Variants in C1orf21 observed in about 807,000 individuals in gnomAD.
C1orf21 encodes chromosome 1 open reading frame 21.
A neutral mutation model predicts 18.7 loss-of-function variants in C1orf21; 3 were observed. The ratio of observed to expected loss-of-function variants is 0.16; its 90% confidence interval spans 0.07 to 0.42. The LOEUF (loss-of-function observed/expected upper bound fraction) is 0.42. Ranked by LOEUF, C1orf21 falls within the 10% of genes least tolerant of loss-of-function variation. The pLI is 0.99. For missense variants in C1orf21, 104 were observed against 143.6 expected, an observed-to-expected ratio of 0.72 and a Z score of 1.41; for synonymous variants, 41 against 46.4, an observed-to-expected ratio of 0.88 and a Z score of 0.47.
intron 3 of C1orf21, among the ~76,000 whole-genome samples, chr1:184,559,997 C>A (rs955185795): frequency 3.3e-5 from 5 of 152,106 alleles, no homozygotes; most frequent in African/African-American, 9.7e-5. Context: ...AGCAGTCATC[C>A]CGCCTTGACC....
chr1:184,463,030 C>T (rs776766261), intron 1 of C1orf21, among the ~76,000 whole-genome samples: 13 of 145,160 alleles, frequency 9.0e-5, no homozygotes, highest in East Asian at 6.0e-4. Flanking sequence ...TGCAGTGAGC[C>T]GAGATCATGC....
intron 3 of C1orf21, among the ~76,000 whole-genome samples, chr1:184,559,502 C>CCTT (rs1658924254): frequency 9.0e-6 from 1 of 110,566 alleles, no homozygotes; most frequent in Admixed American, 8.6e-5. Flanking sequence ...TTCCTTCCTT[C>CCTT]CCCCCTTCCT....
At chr1:184,474,401 TA>T (rs933020891) in intron 1 of C1orf21, among the ~76,000 whole-genome samples, 14 of 152,070 alleles carry the variant, frequency 9.2e-5, no homozygotes, top group Middle Eastern at 3.4e-3. Flanking sequence ...AGACATCCTT[TA>T]AAAAAAAGAG....
intron 1 of C1orf21, among the ~76,000 whole-genome samples, chr1:184,451,921 T>G (rs1189534859): frequency 6.6e-6 from 1 of 152,228 alleles, no homozygotes; most frequent in Non-Finnish European, 1.5e-5. Context: ...TAAATAATTT[T>G]GTTTTTAAAA....
At chr1:184,454,342 G>C (rs1657164188) in intron 1 of C1orf21, among the ~76,000 whole-genome samples, 1 of 152,164 alleles carries the variant, frequency 6.6e-6, no homozygotes, top group South Asian at 2.1e-4. Context: ...AAATGACTGA[G>C]GTGAGTCTTA....
intron 5 of C1orf21, among the ~76,000 whole-genome samples, chr1:184,607,731 A>G (rs1242245488): frequency 6.6e-6 from 1 of 151,086 alleles, no homozygotes; most frequent in African/African-American, 2.4e-5. Flanking sequence ...GTATATATAT[A>G]CATATATATG....
Position 184,625,328 on chromosome 1 carries a change from G to C in C1orf21, c.*5772G>C, listed in dbSNP as rs1250525591. On this transcript the variant is annotated 3_prime_UTR_variant, in exon 6 of 6. Transcript: ENST00000235307. Reference sequence around the variant, plus strand: ...TCTTGGCATTGACTCTAAAGGGAGAGAATAGCCCCTGTGTCCTGGCATTTC... The same window carrying C: ...TCTTGGCATTGACTCTAAAGGGAGACAATAGCCCCTGTGTCCTGGCATTTC... 2 of 152,574 alleles carry C rather than the reference G, an allele frequency of 1.3e-5. No individual in the cohort carries two copies. The highest frequency in any genetic ancestry group is 1.3e-4 in the Admixed American group (2 of 15,278). 9.5% of individuals were successfully genotyped at this position (152,574 alleles called of 1,614,324 possible).
chr1:184,449,939 G>A (rs530986190), intron 1 of C1orf21, among the ~76,000 whole-genome samples: 8 of 152,294 alleles, frequency 5.3e-5, no homozygotes, highest in African/African-American at 9.6e-5. Flanking sequence ...AGGAAGGCTC[G>A]CATTGGATGT....
intron 3 of C1orf21, among the ~76,000 whole-genome samples, chr1:184,538,651 G>A (rs1316471782): frequency 6.6e-6 from 1 of 152,122 alleles, no homozygotes; most frequent in Admixed American, 6.5e-5. Context: ...TTAAGTAAGA[G>A]TAATGTCATT....
At chr1:184,534,802 G>A (rs955047748) in intron 3 of C1orf21, among the ~76,000 whole-genome samples, 6 of 152,108 alleles carry the variant, frequency 3.9e-5, no homozygotes, top group South Asian at 4.2e-4. Context: ...GAAAGTCTAG[G>A]AAATGGTCAC....
At chr1:184,534,539 A>T (rs1357659022) in intron 3 of C1orf21, among the ~76,000 whole-genome samples, 1 of 151,962 alleles carries the variant, frequency 6.6e-6, no homozygotes, top group Non-Finnish European at 1.5e-5. Flanking sequence ...ACAAATTGTG[A>T]TTTCTTTTAC....
At chr1:184,439,016 G>C (rs1317224603) in intron 1 of C1orf21, among the ~76,000 whole-genome samples, 1 of 152,086 alleles carries the variant, frequency 6.6e-6, no homozygotes, top group Non-Finnish European at 1.5e-5. Context: ...TTCGAGACCA[G>C]CCTGGCCAAC....
intron 1 of C1orf21, among the ~76,000 whole-genome samples, chr1:184,447,578 G>A (rs1420017927): frequency 1.3e-5 from 2 of 152,152 alleles, no homozygotes; most frequent in East Asian, 3.8e-4. Context: ...CATGTCAAAT[G>A]TCTCTGAATT....
At chr1:184,578,285 G>C (rs61825239) in intron 3 of C1orf21, among the ~76,000 whole-genome samples, 21,304 of 152,086 alleles carry the variant, frequency 0.14, 1,617 homozygotes, top group East Asian at 0.19. Flanking sequence ...CAGTCTCCTG[G>C]GGACCAGGCA....
chr1:184,488,547 C>T (rs1657766859), intron 2 of C1orf21, among the ~76,000 whole-genome samples: 2 of 152,308 alleles, frequency 1.3e-5, no homozygotes, highest in African/African-American at 4.8e-5. Flanking sequence ...GGTACCATTT[C>T]AATTCACATT....
chr1:184,625,761 G>A lies in C1orf21; in HGVS notation c.*6205G>A, dbSNP rs187746423. 6.6e-6 allele frequency: 1 copy of A among 152,466 alleles called. No individual in the cohort carries two copies. The highest frequency in any genetic ancestry group is 2.4e-5 in the African/African-American group (1 of 41,556). 9.4% of individuals were successfully genotyped at this position (152,466 alleles called of 1,614,324 possible). A position where few individuals can be genotyped will look rare whatever the true frequency, so the allele number is the denominator to read the frequency against. ...GTTCGACTCACATGGGAGAATCGAGGTCTGCTACTCGTCTTGCTTTGTGCC... is the reference window on the plus strand; with the variant it reads ...GTTCGACTCACATGGGAGAATCGAGATCTGCTACTCGTCTTGCTTTGTGCC... On this transcript the variant is annotated 3_prime_UTR_variant, in exon 6 of 6. Transcript: ENST00000235307.
intron 3 of C1orf21, among the ~76,000 whole-genome samples, chr1:184,544,722 A>G (rs1421755538): frequency 6.6e-6 from 1 of 151,778 alleles, no homozygotes; most frequent in Non-Finnish European, 1.5e-5. Context: ...TTCTGAGTTC[A>G]GGAATTGGGA....
At chr1:184,507,288 C>T (rs1272140872) in intron 2 of C1orf21, among the ~76,000 whole-genome samples, 1 of 152,072 alleles carries the variant, frequency 6.6e-6, no homozygotes, top group East Asian at 1.9e-4. Context: ...TTCAAAAAGT[C>T]TTTAGAGATG....
chr1:184,418,829 A>C (rs1163165332), intron 1 of C1orf21, among the ~76,000 whole-genome samples: 1 of 152,160 alleles, frequency 6.6e-6, no homozygotes, highest in Non-Finnish European at 1.5e-5. Flanking sequence ...ACTGATGTTG[A>C]ATTTAGTAGC....
Sources: allele counts gnomAD v4.1 joint callset (sites outside exome capture counted in the v4.1 genomes callset), GRCh38; gene constraint gnomAD v4.1.1; transcripts MANE v1.5; gene names NCBI Gene and HGNC (gene_info 2026-07-23, HGNC 2026-07-21).